The following PACRGL variants were observed in gnomAD, a reference collection of about 807,000 sequenced individuals.
PACRGL encodes PACRG-like protein.
PACRGL carries 38 observed loss-of-function variants against 34.5 expected under a neutral mutation model. That is an observed-to-expected ratio of 1.10 (90% CI 0.85 to 1.44). PACRGL has a LOEUF of 1.44. PACRGL is among the 40% of genes most tolerant of loss of function. The pLI is 0.00. For missense variants in PACRGL, 305 were observed against 281.4 expected, an observed-to-expected ratio of 1.08 and a Z score of -0.60; for synonymous variants, 128 against 100.1, an observed-to-expected ratio of 1.28 and a Z score of -1.66.
At chr4:20,755,856 G>A (rs1440637362), downstream of PACRGL, among the ~76,000 whole-genome samples, 1 of 152,162 alleles carries the variant, frequency 6.6e-6, no homozygotes, top group African/African-American at 2.4e-5. Context: ...TGTGCTGGTG[G>A]GATGGCAAGG....
chr4:20,709,600 A>G, intron 4 of PACRGL, 83 bp from the exon 5 acceptor site: 1 of 817,402 alleles, frequency 1.2e-6, no homozygotes, highest in Non-Finnish European at 1.9e-6. Context: ...TAAATCTGAT[A>G]TGGTTATACT....
Position 20,732,000 on chromosome 4 carries a change from A to G in PACRGL, c.*4659A>G, listed in dbSNP as rs1347353594. The G allele has an allele frequency of 6.2e-7, 1 of 1,613,064 alleles. No individual in the cohort carries two copies. The highest frequency in any genetic ancestry group is 8.5e-7 in the Non-Finnish European group (1 of 1,179,670). On this transcript the variant is annotated 3_prime_UTR_variant, in exon 9 of 9. Coordinates refer to ENST00000503585, the MANE Select transcript of PACRGL (RefSeq NM_001258345.3). ...AATTGATAGTTATTACACTTTCATT[A>G]CTTACTTTTTGGCAGCTTTCAATGA...
chr4:20,752,839 A>G (rs1039982260), exon 9 of PACRGL: 1 of 152,234 alleles, frequency 6.6e-6, no homozygotes, highest in Admixed American at 6.5e-5. Flanking sequence ...AAAAGCATCT[A>G]TGGTTCTGGT....
the PACRGL span, among the ~76,000 whole-genome samples, chr4:20,760,408 C>G: frequency 6.6e-6 from 1 of 152,162 alleles, no homozygotes; most frequent in Non-Finnish European, 1.5e-5. Flanking sequence ...TCACTTAACC[C>G]TTAAAATCAT....
At chr4:20,751,465 ACTT>A (rs951314213) in intron 8 of PACRGL, among the ~76,000 whole-genome samples, 1 of 152,080 alleles carries the variant, frequency 6.6e-6, no homozygotes, top group African/African-American at 2.4e-5. Context: ...TTTTTCATGT[ACTT>A]CTTGAACTAT....
downstream of PACRGL, among the ~76,000 whole-genome samples, chr4:20,753,628 A>G (rs1754017213): frequency 6.6e-6 from 1 of 152,148 alleles, no homozygotes; most frequent in Non-Finnish European, 1.5e-5. Context: ...GAATAGAATC[A>G]CCTTCATGTA....
At chr4:20,758,951 C>T in the PACRGL span, 8 of 1,384,184 alleles carry the variant, frequency 5.8e-6, no homozygotes, top group Non-Finnish European at 8.2e-6. Context: ...ATTTTTTTTG[C>T]ACATTTTGAA....
Position 20,731,752 on chromosome 4 carries a change from G to A in PACRGL, c.*4411G>A. 1.0e-6 allele frequency: 1 copy of A among 985,356 alleles called. No homozygotes were observed. The highest frequency in any genetic ancestry group is 1.2e-6 in the Non-Finnish European group (1 of 829,916). The allele number at this position is 985,356 out of a possible 1,614,324, so 61.0% of individuals were successfully genotyped here. ...CATGAATACTCTCTAAGGAATTTGG[G>A]AATCAACACAGTACATGTACAACTT... On this transcript the variant is annotated 3_prime_UTR_variant, in exon 9 of 9. Transcript: ENST00000503585.
At chr4:20,716,483 T>G (rs1436034101) in intron 7 of PACRGL, among the ~76,000 whole-genome samples, 2 of 151,746 alleles carry the variant, frequency 1.3e-5, no homozygotes, top group Non-Finnish European at 2.9e-5. Flanking sequence ...TATCTCCTAA[T>G]GGTATCCCTC....
chr4:20,766,050 A>G, the PACRGL span, among the ~76,000 whole-genome samples: 7 of 152,180 alleles, frequency 4.6e-5, no homozygotes, highest in African/African-American at 7.2e-5. Flanking sequence ...GATGATGACA[A>G]TGATGATACT....
downstream of PACRGL, chr4:20,734,795 A>T: frequency 9.7e-7 from 1 of 1,029,682 alleles, no homozygotes; most frequent in Non-Finnish European, 1.4e-6. Context: ...AAACAAAAAA[A>T]ACAAATGATG....
chr4:20,703,976 A>G (rs11940062), intron 1 of PACRGL, among the ~76,000 whole-genome samples: 77,430 of 151,946 alleles, frequency 0.51, 20,365 homozygotes, highest in African/African-American at 0.63. Context: ...TGACAACCTC[A>G]GTTTTAGTTA....
chr4:20,742,727 G>T (rs1026900488), intron 8 of PACRGL, among the ~76,000 whole-genome samples: 2 of 152,088 alleles, frequency 1.3e-5, no homozygotes, highest in African/African-American at 2.4e-5. Flanking sequence ...CAATCAGGCA[G>T]GAGAAGGAAA....
At chr4:20,702,286 T>C (rs1732529922) in intron 1 of PACRGL, 1 of 451,532 alleles carries the variant, frequency 2.2e-6, no homozygotes, top group Non-Finnish European at 4.5e-6. Context: ...GTTATGTTTG[T>C]GGGTACGCGT....
At chr4:20,722,503 A>G (rs1173346216) in intron 7 of PACRGL, among the ~76,000 whole-genome samples, 1 of 152,182 alleles carries the variant, frequency 6.6e-6, no homozygotes, top group African/African-American at 2.4e-5. Context: ...TTCTTCCAGC[A>G]ACAATGTGTG....
chr4:20,739,702 C>T (rs957421220), intron 8 of PACRGL, among the ~76,000 whole-genome samples: 8 of 152,228 alleles, frequency 5.3e-5, no homozygotes, highest in Admixed American at 2.0e-4. Flanking sequence ...AGGAACGCAC[C>T]TCCTCGCCAG....
downstream of PACRGL, chr4:20,734,810 T>A: frequency 1.3e-6 from 1 of 792,974 alleles, no homozygotes; most frequent in Non-Finnish European, 2.0e-6. Context: ...ATGATGTAAG[T>A]AAGGGCTACA....
chr4:20,729,431 A>C lies in PACRGL; in HGVS notation c.*2090A>C, dbSNP rs1184455205. On this transcript the variant is annotated 3_prime_UTR_variant, in exon 9 of 9. Transcript: ENST00000503585. ...TTATGGAAAATTAAATGCTTATTAAAATAAGTTTTATTAGGCATATGCTGA... is the reference window on the plus strand; with the variant it reads ...TTATGGAAAATTAAATGCTTATTAACATAAGTTTTATTAGGCATATGCTGA... The C allele has an allele frequency of 6.6e-6, 1 of 152,142 alleles. No homozygotes were observed. The highest frequency in any genetic ancestry group is 2.4e-5 in the African/African-American group (1 of 41,242). 9.4% of individuals were successfully genotyped at this position (152,142 alleles called of 1,614,324 possible).
chr4:20,749,845 G>T, intron 8 of PACRGL: 1 of 620,688 alleles, frequency 1.6e-6, no homozygotes, highest in Non-Finnish European at 2.7e-6. Flanking sequence ...GCCTCCTTTA[G>T]TTTGTGCTTT....
Sources: allele counts gnomAD v4.1 joint callset (sites outside exome capture counted in the v4.1 genomes callset), GRCh38; gene constraint gnomAD v4.1.1; transcripts MANE v1.5; gene names NCBI Gene and HGNC (gene_info 2026-07-23, HGNC 2026-07-21).